Variants in KIF26B observed in about 807,000 individuals in gnomAD.
KIF26B encodes the protein kinesin family member 26B.
A neutral mutation model predicts 151.2 loss-of-function variants in KIF26B; 63 were observed. That is an observed-to-expected ratio of 0.42 (90% CI 0.34 to 0.51). KIF26B has a LOEUF of 0.51. Among genes scored for constraint, KIF26B ranks in the 20% least tolerant of loss-of-function variants. KIF26B has a pLI of 0.07. For synonymous variants in KIF26B, 1,357 were observed against 1,262.1 expected (o/e 1.08, Z -1.59); for missense variants, 2,813 against 2,913.6 (o/e 0.97, Z 0.79).
intron 2 of KIF26B, among the ~76,000 whole-genome samples, chr1:245,305,326 A>G (rs1671515295): frequency 6.6e-6 from 1 of 152,160 alleles, no homozygotes. Context: ...AATGGGAGAA[A>G]ATTTTTGCAA....
chr1:245,338,043 T>C (rs1375696786), intron 2 of KIF26B, among the ~76,000 whole-genome samples: 1 of 152,106 alleles, frequency 6.6e-6, no homozygotes, highest in East Asian at 1.9e-4. Flanking sequence ...AGCCGTCTGG[T>C]TTGGGGCAAA....
rs557648414 is a variant in KIF26B at position 245,668,909 on chromosome 1, G to A, written c.2259-15324G>A. ...TTTCGCCATGTTGGCCAGGCTGGTC[G>A]CGAACTCCCGACCTCAGGTGATCCG... On this transcript the variant is annotated intron_variant, in intron 10 of 14. Transcript: ENST00000407071. Among the ~76,000 whole-genome samples, 67 of 151,956 alleles carry A rather than the reference G, an allele frequency of 4.4e-4. 2 individuals carry two copies. The South Asian group carries it at 0.01, about 23-fold the overall frequency.
intron 5 of KIF26B, among the ~76,000 whole-genome samples, chr1:245,554,771 G>C (rs185214283): frequency 2.0e-5 from 3 of 152,332 alleles, no homozygotes; most frequent in Admixed American, 1.3e-4. Context: ...GGCTGCACCT[G>C]TGTTTCCATT....
At chr1:245,609,137 TG>T (rs1391347560) in intron 7 of KIF26B, 128 bp from the exon 8 acceptor site, 1 of 823,748 alleles carries the variant, frequency 1.2e-6, no homozygotes, top group Non-Finnish European at 1.8e-6. Flanking sequence ...CTCATCTTTT[TG>T]TTCCTTCTCT....
intron 9 of KIF26B, among the ~76,000 whole-genome samples, chr1:245,614,600 C>G (rs2043564662): frequency 6.6e-6 from 1 of 152,240 alleles, no homozygotes; most frequent in South Asian, 2.1e-4. Context: ...TGAAAATCAG[C>G]CCTGAGCTGC....
chr1:245,675,562 C>G lies in KIF26B; in HGVS notation c.2259-8671C>G, dbSNP rs572117826. On this transcript the variant is annotated intron_variant, in intron 10 of 14. Coordinates refer to ENST00000407071, the MANE Select transcript of KIF26B (RefSeq NM_018012.4). ...AAGGTCAAATTTTTTACTACCCAAG[C>G]CTGACCTGAGAAGTGCTAAATTGTG... is the stretch of plus-strand genomic sequence containing the variant. 1.5e-4 allele frequency among the ~76,000 whole-genome samples: 23 copies of G among 152,254 alleles called. No individual in the cohort carries two copies. The South Asian group carries it at 4.8e-3, about 32-fold the overall frequency.
In KIF26B at chr1:245,659,538, T is replaced by C. The variant is rs190500578; in HGVS notation, c.2258+13258T>C. ...ACCCTATTTTCTGAGCCAGATAAAA[T>C]AGCAAACATATATTTGCTCTACCGG... On this transcript the variant is annotated intron_variant, in intron 10 of 14. Transcript: ENST00000407071. 1.3e-3 allele frequency among the ~76,000 whole-genome samples: 195 copies of C among 152,312 alleles called. 1 individual carries two copies. Among genetic ancestry groups the C allele is most frequent in the Middle Eastern group, 6.8e-3 (2 of 294 alleles).
At chr1:245,643,981 T>C (rs1247890030) in intron 9 of KIF26B, among the ~76,000 whole-genome samples, 1 of 152,196 alleles carries the variant, frequency 6.6e-6, no homozygotes, top group East Asian at 1.9e-4. Flanking sequence ...TATAGTTTCT[T>C]CCTTTGTGCT....
intron 4 of KIF26B, among the ~76,000 whole-genome samples, chr1:245,423,115 A>AT (rs1658533254): frequency 6.9e-6 from 1 of 145,866 alleles, no homozygotes; most frequent in Non-Finnish European, 1.5e-5. Flanking sequence ...AAAAAAAAAA[A>AT]GGAAAGAAAG....
intron 3 of KIF26B, among the ~76,000 whole-genome samples, chr1:245,387,392 A>G (rs34461425): frequency 0.68 from 103,009 of 151,366 alleles, 35,239 homozygotes; most frequent in African/African-American, 0.75. Context: ...TTCAAACTCT[A>G]AGCTCAGGTG....
At chr1:245,436,861 C>T (rs1658946568) in intron 4 of KIF26B, among the ~76,000 whole-genome samples, 1 of 149,134 alleles carries the variant, frequency 6.7e-6, no homozygotes, top group Non-Finnish European at 1.5e-5. Context: ...CTTCCTGGAA[C>T]TTACTTCTCT....
chr1:245,210,776 G>T (rs1669504461), intron 2 of KIF26B, among the ~76,000 whole-genome samples: 1 of 152,166 alleles, frequency 6.6e-6, no homozygotes, highest in Admixed American at 6.5e-5. Context: ...AGGGACCAAG[G>T]ACATTCCCAA....
chr1:245,279,803 T>C (rs1671006605), intron 2 of KIF26B, among the ~76,000 whole-genome samples: 1 of 152,098 alleles, frequency 6.6e-6, no homozygotes, highest in Non-Finnish European at 1.5e-5. Context: ...AGGCATTTTA[T>C]TATACAAAGT....
At chr1:245,676,187 A>G (rs888832529) in intron 10 of KIF26B, 5 of 152,252 alleles carry the variant, frequency 3.3e-5, no homozygotes, top group African/African-American at 1.2e-4. Flanking sequence ...AATTACCTTG[A>G]AAATTTCTAA....
Position 245,602,798 on chromosome 1 carries a change from C to T in KIF26B, c.1557+15C>T, listed in dbSNP as rs775539597. On this transcript the variant is annotated intron_variant, in intron 6 of 14. Coordinates refer to ENST00000407071, the MANE Select transcript of KIF26B (RefSeq NM_018012.4). The surrounding 1 kb of genome is among the most constrained non-coding windows in gnomAD (Gnocchi z 4.5). ...ACGCTTCTCAGGTGGGTATCAGCCC[C>T]CTCTCAGGCTCAGGCAACGTTGATG... 2 of 1,612,008 alleles carry T rather than the reference C, an allele frequency of 1.2e-6. No individual in the cohort carries two copies. The highest frequency in any genetic ancestry group is 4.5e-5 in the East Asian group (2 of 44,884).
intron 2 of KIF26B, among the ~76,000 whole-genome samples, chr1:245,341,811 T>C (rs78188107): frequency 0.015 from 2,309 of 152,080 alleles, 47 homozygotes; most frequent in African/African-American, 0.053. Context: ...GCAGGGAGGG[T>C]CACCAGTTGG....
At chr1:245,338,608 C>G (rs1010131320) in intron 2 of KIF26B, among the ~76,000 whole-genome samples, 1 of 152,198 alleles carries the variant, frequency 6.6e-6, no homozygotes, top group African/African-American at 2.4e-5. Flanking sequence ...GTAAGCACAA[C>G]TAAGTGTGAG....
intron 2 of KIF26B, among the ~76,000 whole-genome samples, chr1:245,210,547 G>A (rs1039066898): frequency 3.9e-5 from 5 of 129,120 alleles, no homozygotes; most frequent in Non-Finnish European, 8.3e-5. Context: ...ATTATATTGT[G>A]GGATTTTTTT....
intron 2 of KIF26B, among the ~76,000 whole-genome samples, chr1:245,222,545 TTATC>T (rs1669796099): frequency 6.6e-6 from 1 of 152,184 alleles, no homozygotes; most frequent in Non-Finnish European, 1.5e-5. Flanking sequence ...AGGTGAATTT[TTATC>T]TAATCTCAAA....
Sources: allele counts gnomAD v4.1 joint callset (sites outside exome capture counted in the v4.1 genomes callset), GRCh38; gene constraint gnomAD v4.1.1; non-coding constraint Gnocchi (gnomAD v3.1); transcripts MANE v1.5; gene names NCBI Gene and HGNC (gene_info 2026-07-23, HGNC 2026-07-21).